The following SEMA6D variants were observed in gnomAD, a reference collection of about 807,000 sequenced individuals.
SEMA6D encodes the protein semaphorin 6D, also known as semaphorin-6D.
SEMA6D carries 35 observed loss-of-function variants against 106.6 expected under a neutral mutation model. The observed-to-expected ratio is 0.33, with a 90% CI of 0.25 to 0.44. The LOEUF is 0.44. Among genes scored for constraint, SEMA6D ranks in the 20% least tolerant of loss-of-function variants. The pLI is 1.00. For missense variants in SEMA6D, 1,185 were observed against 1,345.9 expected (o/e 0.88, Z 1.87); for synonymous variants, 499 against 487.7 (o/e 1.02, Z -0.31).
chr15:47,278,980 T>C (rs2034971373), intron 1 of SEMA6D, among the ~76,000 whole-genome samples: 1 of 145,150 alleles, frequency 6.9e-6, no homozygotes, highest in Admixed American at 7.1e-5. Flanking sequence ...TCTATCTCTG[T>C]TTTGGCACCA....
chr15:47,254,875 T>TTTTGTGTGTGTGTG (rs1555411185), intron 1 of SEMA6D, among the ~76,000 whole-genome samples: 3 of 134,402 alleles, frequency 2.2e-5, no homozygotes, highest in African/African-American at 8.4e-5. Context: ...ACCTGTGGTT[T>TTTTGTGTGTGTGTG]TGTGTGTGTG....
At chr15:47,210,919 T>C (rs2029933411) in intron 1 of SEMA6D, among the ~76,000 whole-genome samples, 1 of 152,126 alleles carries the variant, frequency 6.6e-6, no homozygotes, top group South Asian at 2.1e-4. Context: ...TTTTTTTTTG[T>C]TTCCAGAGAT....
chr15:47,370,938 A>G (rs2039250937), intron 1 of SEMA6D, among the ~76,000 whole-genome samples: 1 of 152,180 alleles, frequency 6.6e-6, no homozygotes, highest in African/African-American at 2.4e-5. Flanking sequence ...GTGGAAAGGA[A>G]CAAAGGGAAT....
At chr15:47,674,862 A>C (rs1408304369) in intron 4 of SEMA6D, among the ~76,000 whole-genome samples, 2 of 152,112 alleles carry the variant, frequency 1.3e-5, no homozygotes, top group Non-Finnish European at 2.9e-5. Context: ...GCGCATCCGA[A>C]TCCCTTCCCC....
intron 3 of SEMA6D, among the ~76,000 whole-genome samples, chr15:47,599,588 T>A (rs2076604395): frequency 6.6e-6 from 1 of 152,130 alleles, no homozygotes; most frequent in Non-Finnish European, 1.5e-5. Context: ...AGTGCACATA[T>A]GATAACTCAA....
At chr15:47,312,970 A>AT (rs2036507208) in intron 1 of SEMA6D, among the ~76,000 whole-genome samples, 1 of 152,044 alleles carries the variant, frequency 6.6e-6, no homozygotes, top group African/African-American at 2.4e-5. Flanking sequence ...TATAGACTTT[A>AT]TTTTTTAGAG....
intron 2 of SEMA6D, among the ~76,000 whole-genome samples, chr15:47,427,022 A>G (rs1024725835): frequency 3.3e-5 from 5 of 152,180 alleles, no homozygotes; most frequent in African/African-American, 1.2e-4. Flanking sequence ...CAGGTACCAA[A>G]TGCAATTTCA....
At chr15:47,640,165 T>G (rs996504020) in intron 4 of SEMA6D, among the ~76,000 whole-genome samples, 1 of 152,172 alleles carries the variant, frequency 6.6e-6, no homozygotes, top group African/African-American at 2.4e-5. Flanking sequence ...TCTATATTTT[T>G]AAAAAGCACA....
chr15:47,770,497 G>T lies in SEMA6D; in HGVS notation c.1934G>T (p.Gly645Val). The part of the protein sequence containing the change: ...FTDPLSGIPK[G>V]VRWEVQSGES... ...ACATTGTCCCATGTGTCTATTTCAG[G>T]TGTACGATGGGAAGTCCAGTCTGGA... Residue 645 changes from glycine to valine, a missense_variant and splice_region_variant, in exon 19 of 19, where the codon GGT becomes GTT. This residue lies in a region of SEMA6D where 750 missense variants were observed against 783.5 expected (regional missense o/e 0.96). Coordinates refer to ENST00000536845, the MANE Select transcript of SEMA6D (RefSeq NM_001358351.3). 1 of 1,580,850 alleles carries T rather than the reference G, an allele frequency of 6.3e-7. No homozygotes were observed. Among genetic ancestry groups the T allele is most frequent in the Non-Finnish European group, 8.6e-7 (1 of 1,158,354 alleles).
chr15:47,303,099 A>C (rs754662278), intron 1 of SEMA6D, among the ~76,000 whole-genome samples: 43 of 152,338 alleles, frequency 2.8e-4, no homozygotes, highest in Non-Finnish European at 7.3e-5. Context: ...ACATGTGAGA[A>C]ATAGCCTTTT....
intron 1 of SEMA6D, among the ~76,000 whole-genome samples, chr15:47,239,874 T>G (rs1472711887): frequency 6.6e-6 from 1 of 152,198 alleles, no homozygotes; most frequent in Non-Finnish European, 1.5e-5. Context: ...ATTTGTATTG[T>G]TGTTGTTATC....
chr15:47,762,626 A>G lies in SEMA6D; in HGVS notation c.658+307A>G, dbSNP rs537561153. Reference sequence around the variant, plus strand: ...ACATAATACTACTTGCCATCTACCCATCTTGGAAAGTTACCAGAGAGAATC... The same window carrying G: ...ACATAATACTACTTGCCATCTACCCGTCTTGGAAAGTTACCAGAGAGAATC... On this transcript the variant is annotated intron_variant, in intron 8 of 18. Transcript: ENST00000536845. Among the ~76,000 whole-genome samples the G allele has an allele frequency of 4.3e-4, 66 of 152,316 alleles. 1 individual carries two copies. The highest frequency in any genetic ancestry group is 8.5e-4 in the Admixed American group (13 of 15,292).
chr15:47,698,897 C>G (rs1273611125), intron 4 of SEMA6D, among the ~76,000 whole-genome samples: 1 of 152,124 alleles, frequency 6.6e-6, no homozygotes, highest in East Asian at 1.9e-4. Context: ...GATTTTCCAG[C>G]CGCTGTCATA....
intron 1 of SEMA6D, among the ~76,000 whole-genome samples, chr15:47,748,884 A>G (rs2081280409): frequency 6.6e-6 from 1 of 152,130 alleles, no homozygotes; most frequent in Non-Finnish European, 1.5e-5. Flanking sequence ...GAAGTCTAGG[A>G]GAACAGAAAC....
intron 4 of SEMA6D, among the ~76,000 whole-genome samples, chr15:47,677,776 C>T (rs950147816): frequency 6.6e-5 from 10 of 152,100 alleles, no homozygotes; most frequent in Non-Finnish European, 1.3e-4. Flanking sequence ...ATCTACCTAG[C>T]CATAGGTCTT....
At chr15:47,354,129 G>GTA (rs1461562422) in intron 1 of SEMA6D, among the ~76,000 whole-genome samples, 7 of 148,398 alleles carry the variant, frequency 4.7e-5, no homozygotes, top group South Asian at 2.1e-4. Flanking sequence ...GAGAGAGTGT[G>GTA]TATATATATA....
At chr15:47,421,915 TAATAA>T (rs2041170983) in intron 2 of SEMA6D, among the ~76,000 whole-genome samples, 1 of 152,054 alleles carries the variant, frequency 6.6e-6, no homozygotes, top group Admixed American at 6.6e-5. Context: ...ATAATCAATT[TAATAA>T]AATAAAATTC....
At chr15:47,513,305 G>T (rs187752352) in intron 3 of SEMA6D, among the ~76,000 whole-genome samples, 1 of 152,070 alleles carries the variant, frequency 6.6e-6, no homozygotes, top group East Asian at 1.9e-4. Flanking sequence ...GCTACTAGTA[G>T]CCCACTTCTA....
At chr15:47,382,889 T>A (rs571789992) in intron 1 of SEMA6D, among the ~76,000 whole-genome samples, 3 of 152,338 alleles carry the variant, frequency 2.0e-5, no homozygotes, top group Non-Finnish European at 4.4e-5. Flanking sequence ...TGTCTCAGCC[T>A]CCTGAGTAGC....
Sources: gnomAD v4.1 joint callset for allele counts (sites outside exome capture counted in the v4.1 genomes callset) on GRCh38, gnomAD v4.1.1 for gene constraint, gnomAD v4.1.1 regional missense constraint, MANE v1.5 for transcripts, NCBI Gene and HGNC (gene_info 2026-07-23, HGNC 2026-07-21) for gene names.